Variants in DCAF8L2 observed in about 807,000 individuals in gnomAD.
DCAF8L2 encodes DDB1- and CUL4-associated factor 8-like protein 2.
For missense variants in DCAF8L2, 430 were observed against 490.7 expected (o/e 0.88, Z 1.17); for synonymous variants, 200 against 190.9 (o/e 1.05, Z -0.39).
the DCAF8L2 span, among the ~76,000 whole-genome samples, chrX:27,564,557 C>G: frequency 9.9e-6 from 1 of 101,379 alleles, no homozygotes. Flanking sequence ...CACACACACA[C>G]AGAACGTAGG....
the DCAF8L2 span, among the ~76,000 whole-genome samples, chrX:27,494,510 C>T: frequency 2.7e-5 from 3 of 112,495 alleles, no homozygotes; most frequent in Admixed American, 2.8e-4. Context: ...AACTGACAGA[C>T]TGTTTTCCAA....
the DCAF8L2 span, among the ~76,000 whole-genome samples, chrX:27,506,974 AT>A: frequency 2.2e-4 from 24 of 109,530 alleles, no homozygotes; most frequent in Admixed American, 3.9e-4. Flanking sequence ...GACAAATAGC[AT>A]TTTTTTTCCC....
the DCAF8L2 span, among the ~76,000 whole-genome samples, chrX:27,540,365 C>T: frequency 9.0e-6 from 1 of 111,626 alleles, no homozygotes; most frequent in Non-Finnish European, 1.9e-5. Flanking sequence ...CATATGCTCC[C>T]AGTATATCTT....
chrX:27,542,173 T>C, the DCAF8L2 span, among the ~76,000 whole-genome samples: 1 of 111,806 alleles, frequency 8.9e-6, no homozygotes, highest in African/African-American at 3.3e-5. Context: ...TGAGTGCATG[T>C]GCCTTTTTGG....
At chrX:27,581,738 A>G in the DCAF8L2 span, among the ~76,000 whole-genome samples, 9 of 110,490 alleles carry the variant, frequency 8.1e-5, no homozygotes, top group African/African-American at 2.3e-4. Flanking sequence ...ACCGGCCACC[A>G]TGCCCGGCTA....
intron 2 of DCAF8L2, among the ~76,000 whole-genome samples, chrX:27,661,255 C>T (rs1452045801): frequency 8.9e-6 from 1 of 111,953 alleles, no homozygotes; most frequent in Non-Finnish European, 1.9e-5. Context: ...TAAGTTTTCC[C>T]CAAAATGAGG....
chrX:27,537,543 T>C, the DCAF8L2 span, among the ~76,000 whole-genome samples: 2,372 of 112,459 alleles, frequency 0.021, 76 homozygotes, highest in African/African-American at 0.073. Flanking sequence ...TCAAACTACT[T>C]ATATCTTTCT....
intron 4 of DCAF8L2, 32 bp from the exon 5 acceptor site, chrX:27,746,806 C>A: frequency 1.2e-6 from 1 of 854,743 alleles, no homozygotes; most frequent in Non-Finnish European, 1.6e-6. Flanking sequence ...TCACTACCAT[C>A]AGTCCTAACC....
the DCAF8L2 span, among the ~76,000 whole-genome samples, chrX:27,517,617 C>T: frequency 9.0e-6 from 1 of 111,565 alleles, no homozygotes; most frequent in East Asian, 2.8e-4. Context: ...TGTTGAAGAG[C>T]TCCCCTTAAA....
chrX:27,475,676 A>AT, the DCAF8L2 span, among the ~76,000 whole-genome samples: 1 of 107,258 alleles, frequency 9.3e-6, no homozygotes, highest in African/African-American at 3.3e-5. Flanking sequence ...AATTTAAAAT[A>AT]TTTTTGCATC....
intron 2 of DCAF8L2, among the ~76,000 whole-genome samples, chrX:27,672,808 A>T (rs1301976148): frequency 8.9e-6 from 1 of 112,387 alleles, no homozygotes; most frequent in East Asian, 2.8e-4. Context: ...ATTTGCTCAA[A>T]ATCTCTCACA....
chrX:27,732,870 T>A (rs761455368), intron 4 of DCAF8L2, among the ~76,000 whole-genome samples: 56 of 110,682 alleles, frequency 5.1e-4, no homozygotes, highest in South Asian at 1.2e-3. Flanking sequence ...TTAAAAAAAA[T>A]TTTTTTGAGA....
chrX:27,696,531 T>C lies in DCAF8L2; in HGVS notation c.-143+18619T>C, dbSNP rs762154261. ...ACTTTGTTTTAATTCCATAATTTTATGATACCTAGTCCTCATATTTGCTAT... is the reference window on the plus strand; with the variant it reads ...ACTTTGTTTTAATTCCATAATTTTACGATACCTAGTCCTCATATTTGCTAT... On this transcript the variant is annotated intron_variant, in intron 3 of 4. Transcript: ENST00000451261. Among the ~76,000 whole-genome samples, 13 of 111,803 alleles carry C rather than the reference T, an allele frequency of 1.2e-4. No individual in the cohort carries two copies. In the East Asian group the frequency reaches 2.5e-3, roughly 22 times the overall value.
At chrX:27,489,095 TTTTG>T in the DCAF8L2 span, among the ~76,000 whole-genome samples, 2 of 110,926 alleles carry the variant, frequency 1.8e-5, no homozygotes, top group African/African-American at 3.3e-5. Context: ...TCAAATAGGT[TTTTG>T]TTTGTTTGTT....
At chrX:27,664,890 A>C (rs1929687448) in intron 2 of DCAF8L2, among the ~76,000 whole-genome samples, 1 of 111,395 alleles carries the variant, frequency 9.0e-6, no homozygotes, top group Non-Finnish European at 1.9e-5. Flanking sequence ...CACCATTGAG[A>C]CTGCTACTCA....
chrX:27,518,049 A>G, the DCAF8L2 span: 2 of 952,447 alleles, frequency 2.1e-6, no homozygotes, highest in African/African-American at 3.8e-5. Flanking sequence ...TGAATCCTTT[A>G]CAGTTCTAGT....
intron 1 of DCAF8L2, among the ~76,000 whole-genome samples, chrX:27,611,592 C>T (rs1488472100): frequency 1.6e-4 from 17 of 109,458 alleles, no homozygotes; most frequent in African/African-American, 4.7e-4. Flanking sequence ...ATCCTTCCCC[C>T]GTCCCCCCAC....
intron 4 of DCAF8L2, among the ~76,000 whole-genome samples, chrX:27,738,700 G>T (rs1429334922): frequency 8.9e-6 from 1 of 111,750 alleles, no homozygotes; most frequent in African/African-American, 3.3e-5. Flanking sequence ...AACTACAAGT[G>T]GCCTGATCTG....
chrX:27,547,879 C>T, the DCAF8L2 span, among the ~76,000 whole-genome samples: 4 of 65,389 alleles, frequency 6.1e-5, no homozygotes, highest in African/African-American at 1.2e-4. Flanking sequence ...CTTTCTCTCT[C>T]TCTCTCTCTC....
Sources: allele counts gnomAD v4.1 joint callset (sites outside exome capture counted in the v4.1 genomes callset), GRCh38; gene constraint gnomAD v4.1.1; transcripts MANE v1.5; gene names NCBI Gene and HGNC (gene_info 2026-07-23, HGNC 2026-07-21).